CFAP61: variants seen among roughly 807,000 people sequenced by gnomAD.
CFAP61 encodes cilia and flagella associated protein 61, also known as cilia- and flagella-associated protein 61.
In CFAP61, 107 loss-of-function variants were observed where a neutral mutation model predicts 135.6. That is an observed-to-expected ratio of 0.79 (90% CI 0.67 to 0.93). CFAP61 has a LOEUF of 0.93. Ranked by LOEUF, CFAP61 falls within the 40% of genes least tolerant of loss-of-function variation. CFAP61 has a pLI of 0.00. For synonymous variants in CFAP61, 575 were observed against 578.5 expected (o/e 0.99, Z 0.09); for missense variants, 1,507 against 1,556.2 (o/e 0.97, Z 0.53).
At chr20:20,287,496 A>C (rs2054675155) in intron 22 of CFAP61, among the ~76,000 whole-genome samples, 1 of 152,220 alleles carries the variant, frequency 6.6e-6, no homozygotes, top group African/African-American at 2.4e-5. Flanking sequence ...TTAGATGTAA[A>C]TATTTATAGC....
At position 20,195,719 on chromosome 20, in the gene CFAP61, G is replaced by A. The variant is rs374916882; in HGVS notation, c.1591-851G>A. ...TCAAGGGGGATAGAAGGTTTAAGAA[G>A]TGCACAGGGATAAGGCCCAATTACG... On this transcript the variant is annotated intron_variant, in intron 15 of 26. Transcript: ENST00000245957. Among the ~76,000 whole-genome samples the A allele has an allele frequency of 4.6e-5, 7 of 152,206 alleles. No homozygotes were observed. The East Asian group carries it at 5.8e-4, about 13-fold the overall frequency.
At chr20:20,189,451 G>C (rs2055753714) in intron 14 of CFAP61, among the ~76,000 whole-genome samples, 1 of 122,568 alleles carries the variant, frequency 8.2e-6, no homozygotes. Flanking sequence ...GTTGAGATCT[G>C]TACTTACGAC....
intron 23 of CFAP61, 47 bp from the exon 24 acceptor site, chr20:20,290,253 C>T (rs534724910): frequency 1.7e-6 from 2 of 1,173,868 alleles, no homozygotes; most frequent in East Asian, 4.7e-5. Context: ...CTGTTACTCA[C>T]CTCATTAACA....
rs113532229 is a variant in CFAP61 at position 20,350,733 on chromosome 20, G to A, written c.3513+8812G>A. Reference sequence around the variant, plus strand: ...CACTGTTTAGAACAGCCAGAAGGAGGAAACAACCCAAATGTCCATCAACAT... The same window carrying A: ...CACTGTTTAGAACAGCCAGAAGGAGAAAACAACCCAAATGTCCATCAACAT... On this transcript the variant is annotated intron_variant, in intron 26 of 26. Transcript: ENST00000245957. Among the ~76,000 whole-genome samples the A allele has an allele frequency of 2.1e-3, 320 of 152,300 alleles. 3 individuals are homozygous for A. Among genetic ancestry groups the A allele is most frequent in the Middle Eastern group, 0.01 (3 of 294 alleles).
rs1335294653 is a variant in CFAP61, at chr20:20,187,934, A to G, written c.1390A>G (p.Ile464Val). The change falls in exon 14 of 27, where the codon ATT (isoleucine) becomes GTT (valine). Residue 464 changes from isoleucine (I) to valine (V), a missense_variant. Transcript: ENST00000245957. Reference sequence around the variant, plus strand: ...TATATTCCTCTCCTTACCCAGGTCCATTAATATAAGATTTGCCACTCTCTT... The same window carrying G: ...TATATTCCTCTCCTTACCCAGGTCCGTTAATATAAGATTTGCCACTCTCTT... ...VFHRAGLLKS[I>V]NIRFATLLDT... The G allele has an allele frequency of 1.9e-6, 3 of 1,612,716 alleles. No homozygotes were observed. Among genetic ancestry groups the G allele is most frequent in the Middle Eastern group, 1.6e-4 (1 of 6,062 alleles).
intron 25 of CFAP61, among the ~76,000 whole-genome samples, chr20:20,320,753 T>C (rs73118478): frequency 2.7e-5 from 4 of 150,672 alleles, no homozygotes; most frequent in Admixed American, 1.3e-4. Flanking sequence ...AAAATTCTCA[T>C]AATAAGGAGT....
chr20:20,093,666 C>T (rs1039199583), intron 7 of CFAP61, among the ~76,000 whole-genome samples: 2 of 152,046 alleles, frequency 1.3e-5, no homozygotes, highest in African/African-American at 4.8e-5. Flanking sequence ...AACTCTTGGC[C>T]TCAAGTGATC....
At chr20:20,339,697 G>T (rs2058364005) in intron 25 of CFAP61, among the ~76,000 whole-genome samples, 1 of 151,914 alleles carries the variant, frequency 6.6e-6, no homozygotes, top group African/African-American at 2.4e-5. Flanking sequence ...TATCCAGGCT[G>T]GTCTTGAACT....
At chr20:20,121,635 CA>C (rs1468175901) in intron 8 of CFAP61, among the ~76,000 whole-genome samples, 3 of 152,162 alleles carry the variant, frequency 2.0e-5, no homozygotes. Context: ...ACTGGAATTA[CA>C]GGCACATGCC....
At position 20,124,813 on chromosome 20, in the gene CFAP61, C is replaced by T. The variant is rs555427207; in HGVS notation, c.860-18044C>T. On this transcript the variant is annotated intron_variant, in intron 8 of 26. Coordinates refer to ENST00000245957, the MANE Select transcript of CFAP61 (RefSeq NM_015585.4). ...AGATTGGTACCAATTCTTCTTTGAA[C>T]GTCTGGAAGAATTCTGCTGTGAATC... Among the ~76,000 whole-genome samples the T allele has an allele frequency of 1.1e-4, 17 of 151,794 alleles. 1 individual carries two copies. The highest frequency in any genetic ancestry group is 3.4e-4 in the African/African-American group (14 of 41,164).
At chr20:20,062,630 G>GAA (rs1478378252) in intron 2 of CFAP61, among the ~76,000 whole-genome samples, 2 of 151,966 alleles carry the variant, frequency 1.3e-5, no homozygotes, top group African/African-American at 4.8e-5. Context: ...AGGAAAAAAA[G>GAA]AAAAACTTTC....
At chr20:20,227,123 A>G (rs899700329) in intron 17 of CFAP61, among the ~76,000 whole-genome samples, 1 of 152,234 alleles carries the variant, frequency 6.6e-6, no homozygotes, top group African/African-American at 2.4e-5. Flanking sequence ...GGCCACACCC[A>G]TACCCCTACA....
intron 26 of CFAP61, among the ~76,000 whole-genome samples, chr20:20,355,926 AGTGACACTGTGAGCAGAGATG>A (rs2059115819): frequency 1.0e-5 from 1 of 98,406 alleles, no homozygotes; most frequent in African/African-American, 4.1e-5. Flanking sequence ...GAGGGGAGGT[AGTGACACTGTGAGCAGAGATG>A]GTCACACTGT....
At chr20:20,079,124 C>G (rs1375736263) in intron 6 of CFAP61, among the ~76,000 whole-genome samples, 2 of 152,210 alleles carry the variant, frequency 1.3e-5, no homozygotes, top group Non-Finnish European at 2.9e-5. Context: ...AGGGGGCCCT[C>G]CTGCCCAGAC....
chr20:20,189,298 T>C (rs1343819352), intron 14 of CFAP61, among the ~76,000 whole-genome samples: 1 of 152,332 alleles, frequency 6.6e-6, no homozygotes, highest in East Asian at 1.9e-4. Context: ...CTTCATTTTT[T>C]GCTCCTTCCC....
chr20:20,095,099 T>C lies in CFAP61; in HGVS notation c.700-3556T>C, dbSNP rs138978911. 4.3e-3 allele frequency among the ~76,000 whole-genome samples: 650 copies of C among 152,300 alleles called. 10 individuals carry two copies. Among genetic ancestry groups the C allele is most frequent in the African/African-American group, 0.015 (625 of 41,552 alleles). ...CTTGAAATTCATCACCTTCCATTTT[T>C]TTTTACTATTCTCCATGTTCTTGAG... is the stretch of plus-strand genomic sequence containing the variant. On this transcript the variant is annotated intron_variant, in intron 7 of 26. Transcript: ENST00000245957.
intron 17 of CFAP61, among the ~76,000 whole-genome samples, chr20:20,212,998 C>T (rs537633225): frequency 9.6e-5 from 14 of 145,784 alleles, no homozygotes; most frequent in African/African-American, 2.7e-4. Context: ...GAGGAGAGCC[C>T]GGGAGGGGAG....
rs776652419 is a variant in CFAP61, at chr20:20,199,943, TC to T, written c.1932+44del. 79 of 1,606,778 alleles carry T rather than the reference TC, an allele frequency of 4.9e-5. No individual in the cohort carries two copies. In the African/African-American group the frequency reaches 9.5e-4, roughly 19 times the overall value. On this transcript the variant is annotated intron_variant, in intron 17 of 26. Transcript: ENST00000245957. ...GCAGGCAGGGCGGCGCGGTGCCAGC[TC>T]CCGCGGGCCTGGCAGATGGGGTGGC...
intron 6 of CFAP61, among the ~76,000 whole-genome samples, chr20:20,080,361 A>G (rs971241953): frequency 1.3e-5 from 2 of 152,178 alleles, no homozygotes; most frequent in Non-Finnish European, 2.9e-5. Flanking sequence ...TGCCTGGTCC[A>G]TGATGGCCTA....
Sources: gnomAD v4.1 joint callset for allele counts (sites outside exome capture counted in the v4.1 genomes callset) on GRCh38, gnomAD v4.1.1 for gene constraint, MANE v1.5 for transcripts, NCBI Gene and HGNC (gene_info 2026-07-23, HGNC 2026-07-21) for gene names.